Variants in KIAA0319L observed in about 807,000 individuals in gnomAD.
KIAA0319L encodes the protein KIAA0319 like.
In KIAA0319L, 55 loss-of-function variants were observed where a neutral mutation model predicts 120.1. The ratio of observed to expected loss-of-function variants is 0.46; its 90% CI spans 0.37 to 0.57. The LOEUF (loss-of-function observed/expected upper bound fraction) is 0.57, where lower values mean the gene tolerates loss of function less well. Ranked by LOEUF, KIAA0319L falls within the 20% of genes least tolerant of loss-of-function variation. The probability of loss-of-function intolerance (pLI) is 0.00; values close to 1 mark genes in which losing one functional copy is unlikely to be tolerated. For missense variants in KIAA0319L, 1,049 were observed against 1,255.3 expected (o/e 0.84, Z 2.48); for synonymous variants, 398 against 471.9 (o/e 0.84, Z 2.03).
In KIAA0319L at chr1:35,454,475, G is replaced by C; in HGVS notation, c.1667C>G (p.Thr556Arg). Residue 556 changes from threonine (T) to arginine (R), a missense_variant, in exon 11 of 21, where the codon ACA becomes AGA. Physicochemically the swap from Thr to Arg is moderately conservative, Grantham distance 71 (BLOSUM62 -1). Coordinates refer to ENST00000325722, the MANE Select transcript of KIAA0319L (RefSeq NM_024874.5). ...CATCGCAGAGAGCTGTAAGGTTGGTGTTCTAACACCCTACAAATACAAATA... is the reference window on the plus strand; with the variant it reads ...CATCGCAGAGAGCTGTAAGGTTGGTCTTCTAACACCCTACAAATACAAATA... ...GKVVEMQGVR[T>R]PTLQLSAMQE... 6.2e-7 allele frequency: 1 copy of C among 1,614,068 alleles called. No individual in the cohort carries two copies. Among genetic ancestry groups the C allele is most frequent in the Admixed American group, 1.7e-5 (1 of 59,994 alleles).
chr1:35,469,736 C>G (rs1643494791), intron 6 of KIAA0319L, among the ~76,000 whole-genome samples: 1 of 151,970 alleles, frequency 6.6e-6, no homozygotes, highest in Non-Finnish European at 1.5e-5. Context: ...TCAGTATCAC[C>G]TACTAGACTC....
intron 2 of KIAA0319L, among the ~76,000 whole-genome samples, chr1:35,541,568 T>C (rs1450937232): frequency 6.6e-6 from 1 of 152,072 alleles, no homozygotes; most frequent in Non-Finnish European, 1.5e-5. Context: ...CAGGCTGGTC[T>C]TGAATTCCTG....
chr1:35,500,810 C>A (rs1222002230), intron 3 of KIAA0319L, among the ~76,000 whole-genome samples: 1 of 152,222 alleles, frequency 6.6e-6, no homozygotes, highest in African/African-American at 2.4e-5. Context: ...CAAGGCAATT[C>A]TCAATGCACA....
intron 16 of KIAA0319L, 24 bp from the exon 17 acceptor site, chr1:35,444,327 A>G (rs1426786944): frequency 6.3e-7 from 1 of 1,577,632 alleles, no homozygotes; most frequent in South Asian, 1.2e-5. Flanking sequence ...CAACAGTACT[A>G]ATGAGCTGAA....
Position 35,511,705 on chromosome 1 carries a change from C to T in KIAA0319L, c.143-4570G>A, listed in dbSNP as rs541479310. 7.2e-5 allele frequency among the ~76,000 whole-genome samples: 11 copies of T among 152,230 alleles called. No individual in the cohort carries two copies. In the South Asian group the frequency reaches 8.3e-4, roughly 11 times the overall value. ...TAATAAGTGCACCGCTATCTAGAAG[C>T]CTTCTCATTTGTAAGGATGTTCACT... On this transcript the variant is annotated intron_variant, in intron 2 of 20. Coordinates refer to ENST00000325722, the MANE Select transcript of KIAA0319L (RefSeq NM_024874.5).
chr1:35,547,090 ATAT>A (rs1184370878), intron 2 of KIAA0319L, among the ~76,000 whole-genome samples: 1 of 145,694 alleles, frequency 6.9e-6, no homozygotes, highest in African/African-American at 2.5e-5. Context: ...TGGATCATAT[ATAT>A]TATTACATAT....
intron 2 of KIAA0319L, chr1:35,533,056 G>A (rs1057375483): frequency 6.6e-6 from 1 of 152,144 alleles, no homozygotes; most frequent in Non-Finnish European, 1.5e-5. Context: ...GTAGCAGAGT[G>A]GAAAAGTCTA....
chr1:35,456,600 T>C (rs945547406), intron 9 of KIAA0319L, among the ~76,000 whole-genome samples: 2 of 151,948 alleles, frequency 1.3e-5, no homozygotes, highest in African/African-American at 4.8e-5. Context: ...TCACCTGAGG[T>C]TGGAAGTTTG....
At chr1:35,513,520 C>T (rs575279828) in intron 2 of KIAA0319L, among the ~76,000 whole-genome samples, 38 of 151,672 alleles carry the variant, frequency 2.5e-4, no homozygotes, top group South Asian at 4.2e-4. Context: ...AGGAGGCTGA[C>T]GCAGTAGGAT....
intron 2 of KIAA0319L, among the ~76,000 whole-genome samples, chr1:35,545,265 TGAAGAG>T (rs1307057272): frequency 2.6e-5 from 4 of 151,504 alleles, no homozygotes; most frequent in African/African-American, 9.7e-5. Context: ...TCTGCCAGAG[TGAAGAG>T]TGAAGCAATC....
At chr1:35,435,364 A>G in intron 20 of KIAA0319L, 1 of 335,744 alleles carries the variant, frequency 3.0e-6, no homozygotes, top group East Asian at 5.5e-5. Context: ...CAGGCCACTC[A>G]GTGACATTCT....
intron 19 of KIAA0319L, 28 bp from the exon 20 acceptor site, chr1:35,441,166 C>T (rs1442911202): frequency 4.4e-6 from 7 of 1,600,390 alleles, no homozygotes; most frequent in Non-Finnish European, 5.1e-6. Context: ...CACCCCTGCT[C>T]AGGAAAGAGG....
At chr1:35,451,550 C>A in intron 13 of KIAA0319L, 78 bp downstream of exon 13, 10 of 1,405,770 alleles carry the variant, frequency 7.1e-6, no homozygotes, top group Non-Finnish European at 8.9e-6. Flanking sequence ...TCAATTTCTG[C>A]AGGCAAACAT....
chr1:35,489,238 T>C (rs978451526), intron 3 of KIAA0319L, among the ~76,000 whole-genome samples: 1 of 150,490 alleles, frequency 6.6e-6, no homozygotes, highest in African/African-American at 2.4e-5. Flanking sequence ...AAAAACATGG[T>C]GGACTTTCTG....
chr1:35,454,076 C>T (rs563091659), intron 11 of KIAA0319L, among the ~76,000 whole-genome samples: 3 of 152,100 alleles, frequency 2.0e-5, no homozygotes, highest in Admixed American at 1.3e-4. Context: ...TGGCAAAAAC[C>T]GCAATTACTT....
intron 2 of KIAA0319L, among the ~76,000 whole-genome samples, chr1:35,513,826 T>TGG (rs1454788360): frequency 6.6e-6 from 1 of 152,224 alleles, no homozygotes; most frequent in African/African-American, 2.4e-5. Context: ...GTTTCCTTTA[T>TGG]ATTTGTGAGA....
At chr1:35,530,342 T>C (rs1178964729) in intron 2 of KIAA0319L, among the ~76,000 whole-genome samples, 1 of 152,162 alleles carries the variant, frequency 6.6e-6, no homozygotes, top group Non-Finnish European at 1.5e-5. Flanking sequence ...CTGAAATTCT[T>C]TCTTCTGCTT....
chr1:35,531,276 T>A (rs1646356677), intron 2 of KIAA0319L, among the ~76,000 whole-genome samples: 1 of 152,224 alleles, frequency 6.6e-6, no homozygotes, highest in African/African-American at 2.4e-5. Context: ...GGGAGCAGCC[T>A]CCCTGATACA....
intron 12 of KIAA0319L, among the ~76,000 whole-genome samples, chr1:35,452,316 G>C (rs1156873751): frequency 2.0e-5 from 3 of 152,158 alleles, no homozygotes; most frequent in Admixed American, 6.6e-5. Context: ...CCTGGACAGG[G>C]GCCATCAAGC....
Sources: allele counts gnomAD v4.1 joint callset (sites outside exome capture counted in the v4.1 genomes callset), GRCh38; gene constraint gnomAD v4.1.1; transcripts MANE v1.5; gene names NCBI Gene and HGNC (gene_info 2026-07-23, HGNC 2026-07-21).